Variants in DPY19L2 observed in about 807,000 individuals in gnomAD.
DPY19L2 encodes probable C-mannosyltransferase DPY19L2.
DPY19L2 carries 34 observed loss-of-function variants against 97.9 expected under a neutral mutation model. The ratio of observed to expected loss-of-function variants is 0.35; its 90% CI spans 0.26 to 0.46. DPY19L2 has a LOEUF of 0.46. DPY19L2 is among the 20% of genes least tolerant of loss of function. The pLI, the probability that DPY19L2 is intolerant of heterozygous loss-of-function variation, is 1.00. For missense variants in DPY19L2, 623 were observed against 911.4 expected (o/e 0.68, Z 4.07); for synonymous variants, 230 against 307.9 (o/e 0.75, Z 2.65).
chr12:63,561,362 C>A (rs1361561717), intron 21 of DPY19L2, among the ~76,000 whole-genome samples: 1 of 152,126 alleles, frequency 6.6e-6, no homozygotes, highest in Non-Finnish European at 1.5e-5. Context: ...TGTGTAAGAA[C>A]TACCACAATC....
rs181565306 is a variant in DPY19L2, at chr12:63,660,545, T to A, written c.588+799A>T. ...GATTTTAACTGTATTTATAATATTTTAATTATTTTAAAATAGCTGATGCAA... is the reference window on the plus strand; with the variant it reads ...GATTTTAACTGTATTTATAATATTTAAATTATTTTAAAATAGCTGATGCAA... On this transcript the variant is annotated intron_variant, in intron 4 of 21. Coordinates refer to ENST00000324472, the MANE Select transcript of DPY19L2 (RefSeq NM_173812.5). Among the ~76,000 whole-genome samples, 1,016 of 152,090 alleles carry A rather than the reference T, an allele frequency of 6.7e-3. 11 individuals carry two copies. Among genetic ancestry groups the A allele is most frequent in the African/African-American group, 0.023 (962 of 41,534 alleles).
chr12:63,631,491 A>C (rs1001617016), intron 6 of DPY19L2, among the ~76,000 whole-genome samples: 20 of 152,132 alleles, frequency 1.3e-4, no homozygotes, highest in African/African-American at 4.8e-4. Context: ...CTGGAAATAT[A>C]CACCCTCCCA....
chr12:63,588,392 A>AT (rs1216850284), intron 16 of DPY19L2, among the ~76,000 whole-genome samples: 1 of 152,200 alleles, frequency 6.6e-6, no homozygotes, highest in East Asian at 1.9e-4. Context: ...TCACAGCATG[A>AT]TTTACTGAAT....
At chr12:63,646,882 T>C (rs1893482554) in intron 5 of DPY19L2, among the ~76,000 whole-genome samples, 1 of 152,214 alleles carries the variant, frequency 6.6e-6, no homozygotes, top group South Asian at 2.1e-4. Flanking sequence ...ATTAAATTTA[T>C]ACATTAGCTA....
chr12:63,639,243 T>C (rs1444354479), intron 6 of DPY19L2, among the ~76,000 whole-genome samples: 1 of 152,078 alleles, frequency 6.6e-6, no homozygotes, highest in African/African-American at 2.4e-5. Flanking sequence ...CCTAAAACCA[T>C]AAAAACCCTA....
chr12:63,650,222 A>G (rs1325001585), intron 4 of DPY19L2, among the ~76,000 whole-genome samples: 1 of 152,130 alleles, frequency 6.6e-6, no homozygotes, highest in African/African-American at 2.4e-5. Context: ...CATACTGAAC[A>G]GGCAAAAGCT....
At position 63,580,845 on chromosome 12, in the gene DPY19L2, A is replaced by G; in HGVS notation, c.1726-9T>C. The G allele has an allele frequency of 1.2e-6, 2 of 1,609,536 alleles. No homozygotes were observed. The highest frequency in any genetic ancestry group is 1.7e-6 in the Non-Finnish European group (2 of 1,178,400). On this transcript the variant is annotated splice_polypyrimidine_tract_variant and intron_variant, in intron 18 of 21. Coordinates refer to ENST00000324472, the MANE Select transcript of DPY19L2 (RefSeq NM_173812.5). Reference sequence around the variant, plus strand: ...AAAAGCCAGCCAAAGAGCTGAAACGAAAGAAACCGTTTATTTCTAGTTCTT... The same window carrying G: ...AAAAGCCAGCCAAAGAGCTGAAACGGAAGAAACCGTTTATTTCTAGTTCTT...
At chr12:63,605,833 C>T (rs1015012260) in intron 12 of DPY19L2, among the ~76,000 whole-genome samples, 1 of 152,164 alleles carries the variant, frequency 6.6e-6, no homozygotes, top group African/African-American at 2.4e-5. Flanking sequence ...ACTATCCCAG[C>T]ATCATTTAGT....
intron 17 of DPY19L2, 48 bp downstream of exon 17, chr12:63,583,764 C>T: frequency 6.3e-7 from 1 of 1,595,262 alleles, no homozygotes; most frequent in South Asian, 1.1e-5. Context: ...TATCCTCAAA[C>T]TACAATTTAA....
At chr12:63,562,798 CTT>C (rs59380942) in intron 21 of DPY19L2, among the ~76,000 whole-genome samples, 2 of 139,600 alleles carry the variant, frequency 1.4e-5, no homozygotes, top group African/African-American at 2.6e-5. Flanking sequence ...TCCTTTTGTC[CTT>C]TTTTTTTTTT....
chr12:63,574,757 A>G (rs748724843), intron 19 of DPY19L2, among the ~76,000 whole-genome samples: 29 of 151,550 alleles, frequency 1.9e-4, no homozygotes, highest in Non-Finnish European at 2.8e-4. Flanking sequence ...GCAAGAGTAT[A>G]TAACAATTGT....
intron 4 of DPY19L2, among the ~76,000 whole-genome samples, chr12:63,658,512 C>A (rs1166146176): frequency 1.3e-5 from 2 of 152,066 alleles, no homozygotes; most frequent in Non-Finnish European, 2.9e-5. Flanking sequence ...CAAAAAGAAA[C>A]CAAACAAATA....
At chr12:63,637,150 T>C (rs997784503) in intron 6 of DPY19L2, among the ~76,000 whole-genome samples, 9 of 152,042 alleles carry the variant, frequency 5.9e-5, no homozygotes, top group Admixed American at 2.6e-4. Flanking sequence ...ACCACACAAC[T>C]ACATGGAAAT....
intron 4 of DPY19L2, among the ~76,000 whole-genome samples, chr12:63,648,788 A>C (rs1893785106): frequency 1.3e-5 from 2 of 152,056 alleles, no homozygotes; most frequent in Admixed American, 6.6e-5. Flanking sequence ...ATAATACTCA[A>C]AATATCTAGG....
At position 63,642,417 on chromosome 12, in the gene DPY19L2, T is replaced by C. The variant is rs148823856; in HGVS notation, c.803+1986A>G. ...ATCACTTCTTATTCCAAGTGACTTT[T>C]TCTATATTATACGCTGAACATTTTA... is the stretch of plus-strand genomic sequence containing the variant. On this transcript the variant is annotated intron_variant, in intron 6 of 21. Coordinates refer to ENST00000324472, the MANE Select transcript of DPY19L2 (RefSeq NM_173812.5). Among the ~76,000 whole-genome samples the C allele has an allele frequency of 7.2e-3, 1,094 of 152,198 alleles. 20 individuals are homozygous for C. The highest frequency in any genetic ancestry group is 0.025 in the African/African-American group (1,046 of 41,532).
At chr12:63,639,862 A>G (rs1892399424) in intron 6 of DPY19L2, among the ~76,000 whole-genome samples, 1 of 152,190 alleles carries the variant, frequency 6.6e-6, no homozygotes, top group Non-Finnish European at 1.5e-5. Flanking sequence ...TATATACCCA[A>G]AGGATTATAA....
chr12:63,594,637 C>T (rs1296435909), intron 15 of DPY19L2, among the ~76,000 whole-genome samples: 2 of 124,918 alleles, frequency 1.6e-5, no homozygotes, highest in Admixed American at 7.5e-5. Context: ...GCTGCAGGGA[C>T]GTGTGTGTGC....
At chr12:63,589,264 T>C (rs898080125) in intron 16 of DPY19L2, among the ~76,000 whole-genome samples, 7 of 148,750 alleles carry the variant, frequency 4.7e-5, no homozygotes, top group African/African-American at 1.7e-4. Context: ...TTGTAGATTA[T>C]ATGATAACCT....
At chr12:63,652,270 T>C (rs1298512543) in intron 4 of DPY19L2, among the ~76,000 whole-genome samples, 3 of 151,994 alleles carry the variant, frequency 2.0e-5, no homozygotes, top group Admixed American at 6.5e-5. Flanking sequence ...AGTCAAAAAA[T>C]GACAGATGCT....
Sources: gnomAD v4.1 joint callset for allele counts (sites outside exome capture counted in the v4.1 genomes callset) on GRCh38, gnomAD v4.1.1 for gene constraint, MANE v1.5 for transcripts, NCBI Gene and HGNC (gene_info 2026-07-23, HGNC 2026-07-21) for gene names.